Variants in TOX4 observed in about 807,000 individuals in gnomAD.
The protein encoded by TOX4 is epidermal Langerhans cell protein LCP1.
TOX4 carries 12 observed loss-of-function variants against 61.0 expected under a neutral mutation model. The observed-to-expected ratio is 0.20, with a 90% CI of 0.13 to 0.32. The LOEUF (loss-of-function observed/expected upper bound fraction) is 0.32. Ranked by LOEUF, TOX4 falls within the 10% of genes least tolerant of loss-of-function variation. TOX4 has a pLI of 1.00. For synonymous variants in TOX4, 268 were observed against 274.8 expected, an observed-to-expected ratio of 0.98 and a Z score of 0.24; for missense variants, 499 against 753.3, an observed-to-expected ratio of 0.66 and a Z score of 3.95.
At chr14:21,484,165 T>C (rs1452080119) in intron 2 of TOX4, among the ~76,000 whole-genome samples, 1 of 152,050 alleles carries the variant, frequency 6.6e-6, no homozygotes, top group Non-Finnish European at 1.5e-5. Flanking sequence ...AACGACCAGA[T>C]TTTTTACCAT....
rs1594436562 is a variant in TOX4 at position 21,498,517 on chromosome 14, G to A, written c.*1911G>A. Reference sequence around the variant, plus strand: ...GAGCTTAACATTAGAATAGTATATGGTAGAATTACTAGTTCAGAATTGGCA... The same window carrying A: ...GAGCTTAACATTAGAATAGTATATGATAGAATTACTAGTTCAGAATTGGCA... On this transcript the variant is annotated 3_prime_UTR_variant, in exon 9 of 9. Coordinates refer to ENST00000448790, the MANE Select transcript of TOX4 (RefSeq NM_014828.4). 2.8e-6 allele frequency: 2 copies of A among 701,948 alleles called. No homozygotes were observed. Among genetic ancestry groups the A allele is most frequent in the East Asian group, 2.7e-5 (1 of 36,696 alleles). 43.5% of individuals were successfully genotyped at this position (701,948 alleles called of 1,614,324 possible).
rs141366491 is a variant in TOX4 at position 21,486,873 on chromosome 14, T to C, written c.76-578T>C. ...AATCCTATACTAATGGGAATCTTTA[T>C]TTGTTGTTAACATTATAATTTCTAA... On this transcript the variant is annotated intron_variant, in intron 2 of 8. Coordinates refer to ENST00000448790, the MANE Select transcript of TOX4 (RefSeq NM_014828.4). Among the ~76,000 whole-genome samples, 1,378 of 152,354 alleles carry C rather than the reference T, an allele frequency of 9.0e-3. 9 individuals carry two copies. Among genetic ancestry groups the C allele is most frequent in the Middle Eastern group, 0.024 (7 of 294 alleles).
chr14:21,478,870 C>T (rs904367125), intron 2 of TOX4, among the ~76,000 whole-genome samples: 14 of 151,248 alleles, frequency 9.3e-5, no homozygotes, highest in African/African-American at 3.2e-4. Flanking sequence ...GTAGCACGAT[C>T]TTGGCTCACT....
rs895457827 is a variant in TOX4 at position 21,498,786 on chromosome 14, G to A, written c.*2180G>A. 3.9e-6 allele frequency: 2 copies of A among 511,740 alleles called. No individual in the cohort carries two copies. The highest frequency in any genetic ancestry group is 7.0e-6 in the Non-Finnish European group (2 of 287,302). The allele number at this position is 511,740 out of a possible 1,614,324, so 31.7% of individuals were successfully genotyped here. Reference sequence around the variant, plus strand: ...CACAGAATGGCTGAGGAAGATCCTTGGGTTGTGAAGAGAGTAGAAACCCTA... The same window carrying A: ...CACAGAATGGCTGAGGAAGATCCTTAGGTTGTGAAGAGAGTAGAAACCCTA... On this transcript the variant is annotated 3_prime_UTR_variant, in exon 9 of 9. Transcript: ENST00000448790.
intron 2 of TOX4, among the ~76,000 whole-genome samples, chr14:21,484,329 C>CTTTTT (rs533570141): frequency 2.3e-5 from 1 of 44,210 alleles, no homozygotes; most frequent in African/African-American, 8.2e-5. Context: ...CTAGCAATGT[C>CTTTTT]TTTTTTTTTT....
chr14:21,493,577 G>T (rs1057114831), intron 7 of TOX4, among the ~76,000 whole-genome samples: 5 of 152,072 alleles, frequency 3.3e-5, no homozygotes, highest in African/African-American at 1.2e-4. Context: ...GAGTGGCTGG[G>T]ATTACAGGCA....
At position 21,491,356 on chromosome 14, in the gene TOX4, GTATT is replaced by G. The variant is rs1233446307; in HGVS notation, c.811-926_811-923del. Among the ~76,000 whole-genome samples, 5 of 151,932 alleles carry G rather than the reference GTATT, an allele frequency of 3.3e-5. 1 individual carries two copies. The highest frequency in any genetic ancestry group is 1.3e-4 in the Admixed American group (2 of 15,252). On this transcript the variant is annotated intron_variant, in intron 5 of 8. Transcript: ENST00000448790. Reference sequence around the variant, plus strand: ...CAGTTTTTGGATTAGGGTTTATTTTGTATTTATTTATTTATTTTTTTGAGACAGA... The same window carrying G: ...CAGTTTTTGGATTAGGGTTTATTTTGTATTTATTTATTTTTTTGAGACAGA...
intron 2 of TOX4, among the ~76,000 whole-genome samples, chr14:21,486,908 G>A (rs961456011): frequency 2.6e-5 from 4 of 152,198 alleles, no homozygotes; most frequent in Non-Finnish European, 5.9e-5. Flanking sequence ...AAGTGGAGAA[G>A]AAGTAGGAAA....
chr14:21,482,795 T>C (rs1394673226), intron 2 of TOX4, among the ~76,000 whole-genome samples: 2 of 152,210 alleles, frequency 1.3e-5, no homozygotes, highest in Non-Finnish European at 2.9e-5. Context: ...TTACAGATCA[T>C]TTGTAGTGAA....
At position 21,497,006 on chromosome 14, in the gene TOX4, T is replaced by C. The variant is rs1398141112; in HGVS notation, c.*400T>C. The C allele has an allele frequency of 1.1e-5, 2 of 176,014 alleles. No individual in the cohort carries two copies. The highest frequency in any genetic ancestry group is 2.4e-5 in the Non-Finnish European group (2 of 81,716). 10.9% of individuals were successfully genotyped at this position (176,014 alleles called of 1,614,324 possible). A position where few individuals can be genotyped will look rare whatever the true frequency, so the allele number is the denominator to read the frequency against. On this transcript the variant is annotated 3_prime_UTR_variant, in exon 9 of 9. Coordinates refer to ENST00000448790, the MANE Select transcript of TOX4 (RefSeq NM_014828.4). ...GAGAAAATGCCACTGTGTGCATCCA[T>C]TTTAAAGGGTTCCCTCATAAAAAAA...
At chr14:21,487,395 T>C in intron 2 of TOX4, 56 bp from the exon 3 acceptor site, 1 of 1,589,450 alleles carries the variant, frequency 6.3e-7, no homozygotes, top group Non-Finnish European at 8.6e-7. Flanking sequence ...CTTCACTTAG[T>C]AGTATGCCAT....
chr14:21,484,713 C>T (rs1891169486), intron 2 of TOX4, among the ~76,000 whole-genome samples: 1 of 105,060 alleles, frequency 9.5e-6, no homozygotes, highest in African/African-American at 3.6e-5. Context: ...GGCAGGATTG[C>T]AGTGGTGCAG....
At chr14:21,483,773 A>T (rs1169814362) in intron 2 of TOX4, among the ~76,000 whole-genome samples, 1 of 151,276 alleles carries the variant, frequency 6.6e-6, no homozygotes, top group Non-Finnish European at 1.5e-5. Flanking sequence ...AGTTTTTCCC[A>T]TCAAGAACTG....
Position 21,488,789 on chromosome 14 carries a change from T to A in TOX4, c.518T>A (p.Leu173His), listed in dbSNP as rs1461224856. The A allele has an allele frequency of 7.4e-6, 12 of 1,614,090 alleles. No homozygotes were observed. The South Asian group carries it at 7.7e-5, about 10-fold the overall frequency. Reference sequence around the variant, plus strand: ...CCTGCCCAGTCACCTGAAGATCGTCTTTCAACCACCCCTTCACCTACTAGT... The same window carrying A: ...CCTGCCCAGTCACCTGAAGATCGTCATTCAACCACCCCTTCACCTACTAGT... ...LPPAQSPEDRLSTTPSPTSSL... is the reference protein window; with the variant it reads ...LPPAQSPEDRHSTTPSPTSSL... Residue 173 changes from leucine (L) to histidine (H), a missense_variant, in exon 4 of 9, where the codon CTT becomes CAT. This residue lies in a region of TOX4 where 61 missense variants were observed against 76.1 expected (regional missense o/e 0.80). Coordinates refer to ENST00000448790, the MANE Select transcript of TOX4 (RefSeq NM_014828.4).
In TOX4 at chr14:21,488,789, T is replaced by G. The variant is rs1461224856; in HGVS notation, c.518T>G (p.Leu173Arg). 6.2e-7 allele frequency: 1 copy of G among 1,614,090 alleles called. No individual in the cohort carries two copies. The highest frequency in any genetic ancestry group is 8.5e-7 in the Non-Finnish European group (1 of 1,180,040). Residue 173 changes from leucine (L) to arginine (R), a missense_variant, in exon 4 of 9, where the codon CTT (leucine) becomes CGT (arginine). Transcript: ENST00000448790. ...CCTGCCCAGTCACCTGAAGATCGTC[T>G]TTCAACCACCCCTTCACCTACTAGT... The part of the protein sequence containing the change: ...LPPAQSPEDR[L>R]STTPSPTSSL...
chr14:21,498,180 C>G lies in TOX4; in HGVS notation c.*1574C>G. 1.2e-6 allele frequency: 1 copy of G among 839,312 alleles called. No individual in the cohort carries two copies. The highest frequency in any genetic ancestry group is 2.4e-5 in the East Asian group (1 of 41,066). The allele number at this position is 839,312 out of a possible 1,614,324, so 52.0% of individuals were successfully genotyped here. A position where few individuals can be genotyped will look rare whatever the true frequency, so the allele number is the denominator to read the frequency against. On this transcript the variant is annotated 3_prime_UTR_variant, in exon 9 of 9. Coordinates refer to ENST00000448790, the MANE Select transcript of TOX4 (RefSeq NM_014828.4). Reference sequence around the variant, plus strand: ...ATGTTTATTTAAATAAAGAAGAAAGCTATTGTACAAATATCACTCTTCAGG... The same window carrying G: ...ATGTTTATTTAAATAAAGAAGAAAGGTATTGTACAAATATCACTCTTCAGG...
At chr14:21,487,234 G>A (rs56074436) in intron 2 of TOX4, among the ~76,000 whole-genome samples, 4,176 of 152,306 alleles carry the variant, frequency 0.027, 207 homozygotes, top group African/African-American at 0.095. Flanking sequence ...ATTGAAAATT[G>A]TGACTGATGT....
chr14:21,489,025 C>A, intron 4 of TOX4, 148 bp from the exon 5 acceptor site: 3 of 1,200,012 alleles, frequency 2.5e-6, no homozygotes, highest in Non-Finnish European at 1.2e-6. Context: ...AATCCCTATT[C>A]TTATTGGTTC....
intron 5 of TOX4, among the ~76,000 whole-genome samples, chr14:21,490,563 C>A (rs1259320140): frequency 1.3e-5 from 2 of 152,310 alleles, no homozygotes; most frequent in East Asian, 3.9e-4. Flanking sequence ...AAGGTGGAAA[C>A]TGGAGCCCAC....
Sources: gnomAD v4.1 joint callset for allele counts (sites outside exome capture counted in the v4.1 genomes callset) on GRCh38, gnomAD v4.1.1 for gene constraint, gnomAD v4.1.1 regional missense constraint, MANE v1.5 for transcripts, NCBI Gene and HGNC (gene_info 2026-07-23, HGNC 2026-07-21) for gene names.